KIF26B: variants seen among roughly 807,000 people sequenced by gnomAD.
KIF26B encodes the protein kinesin family member 26B, also known as kinesin-like protein KIF26B.
In KIF26B, 63 loss-of-function variants were observed where a neutral mutation model predicts 151.2. The ratio of observed to expected loss-of-function variants is 0.42; its 90% CI spans 0.34 to 0.51. KIF26B has a LOEUF of 0.51. Among genes scored for constraint, KIF26B ranks in the 20% least tolerant of loss-of-function variants. The pLI is 0.07. For missense variants in KIF26B, 2,813 were observed against 2,913.6 expected (o/e 0.97, Z 0.79); for synonymous variants, 1,357 against 1,262.1 (o/e 1.08, Z -1.59).
intron 5 of KIF26B, among the ~76,000 whole-genome samples, chr1:245,589,272 A>G (rs906313163): frequency 2.0e-5 from 3 of 152,116 alleles, no homozygotes; most frequent in Admixed American, 1.3e-4. Flanking sequence ...GCCCAGGGGT[A>G]TTTTAGAAAG....
At chr1:245,253,998 G>T (rs1347901074) in intron 2 of KIF26B, among the ~76,000 whole-genome samples, 2 of 151,712 alleles carry the variant, frequency 1.3e-5, no homozygotes, top group Non-Finnish European at 2.9e-5. Flanking sequence ...TTTTAGTAGA[G>T]ATGGGGTTTC....
chr1:245,424,947 G>A (rs1423271804), intron 4 of KIF26B, among the ~76,000 whole-genome samples: 2 of 151,566 alleles, frequency 1.3e-5, no homozygotes, highest in Non-Finnish European at 2.9e-5. Flanking sequence ...TTCGAGAAAA[G>A]ACACTGTTTC....
chr1:245,464,462 C>T (rs1183571150), intron 4 of KIF26B, among the ~76,000 whole-genome samples: 13 of 129,920 alleles, frequency 1.0e-4, no homozygotes, highest in African/African-American at 2.7e-4. Flanking sequence ...TGTATGTGTG[C>T]GTGCGCGTGT....
intron 2 of KIF26B, among the ~76,000 whole-genome samples, chr1:245,301,620 C>T (rs925161997): frequency 4.6e-5 from 7 of 152,228 alleles, no homozygotes; most frequent in Non-Finnish European, 8.8e-5. Context: ...CTTGTAGGCA[C>T]GTCTTCATCT....
chr1:245,268,460 C>A (rs1670787870), intron 2 of KIF26B, among the ~76,000 whole-genome samples: 1 of 143,832 alleles, frequency 7.0e-6, no homozygotes, highest in African/African-American at 2.6e-5. Flanking sequence ...TGGAGCGAGA[C>A]TCCATCTCCA....
At chr1:245,313,727 T>C (rs1194508914) in intron 2 of KIF26B, among the ~76,000 whole-genome samples, 1 of 152,224 alleles carries the variant, frequency 6.6e-6, no homozygotes, top group African/African-American at 2.4e-5. Flanking sequence ...TTCACAGATA[T>C]AAACTGTGCG....
intron 4 of KIF26B, among the ~76,000 whole-genome samples, chr1:245,448,313 T>G (rs1356607187): frequency 6.6e-6 from 1 of 152,196 alleles, no homozygotes; most frequent in African/African-American, 2.4e-5. Context: ...GTGCAAGCGA[T>G]TCTCCTGCCT....
Position 245,602,677 on chromosome 1 carries a change from A to ACGAT in KIF26B, c.1453_1456dup (p.Pro486ArgfsTer37). On this transcript the variant is annotated frameshift_variant, in exon 6 of 15. Coordinates refer to ENST00000407071, the MANE Select transcript of KIF26B (RefSeq NM_018012.4). LOFTEE classifies it high-confidence loss of function. This position sits in a 1 kb window ranked among gnomAD's most constrained non-coding sequence, Gnocchi z 4.5. ...CCACGGAAGAAGCAGATCACCTTGT[A>ACGAT]CGATCCCCTGACTTGTGGAGGTCAA... 1 of 1,614,042 alleles carries ACGAT rather than the reference A, an allele frequency of 6.2e-7. No individual in the cohort carries two copies. Among genetic ancestry groups the ACGAT allele is most frequent in the Non-Finnish European group, 8.5e-7 (1 of 1,179,876 alleles).
At chr1:245,281,932 T>G (rs1671063315) in intron 2 of KIF26B, among the ~76,000 whole-genome samples, 1 of 151,810 alleles carries the variant, frequency 6.6e-6, no homozygotes, top group Non-Finnish European at 1.5e-5. Flanking sequence ...CGGTGTTATT[T>G]CTGAGGGCTC....
intron 4 of KIF26B, among the ~76,000 whole-genome samples, chr1:245,490,400 C>T (rs1660382662): frequency 2.0e-5 from 3 of 151,270 alleles, no homozygotes; most frequent in African/African-American, 7.3e-5. Context: ...CAACCTCCGC[C>T]TCCCGGGTTC....
chr1:245,546,946 C>T (rs1661754696), intron 5 of KIF26B, among the ~76,000 whole-genome samples: 1 of 152,210 alleles, frequency 6.6e-6, no homozygotes, highest in East Asian at 1.9e-4. Context: ...TTCCTTCAAC[C>T]GATACCTCCA....
At chr1:245,379,667 A>G (rs1015301703) in intron 3 of KIF26B, among the ~76,000 whole-genome samples, 1 of 151,942 alleles carries the variant, frequency 6.6e-6, no homozygotes, top group African/African-American at 2.4e-5. Flanking sequence ...GTTTCGATAA[A>G]TTGGAAAATT....
chr1:245,576,618 T>G (rs2043121243), intron 5 of KIF26B, among the ~76,000 whole-genome samples: 1 of 152,176 alleles, frequency 6.6e-6, no homozygotes, highest in Admixed American at 6.5e-5. Flanking sequence ...TCCCTGGTGT[T>G]CCCCAGGCCT....
In KIF26B at chr1:245,367,397, A is replaced by G. The variant is rs776507476; in HGVS notation, c.999+30A>G. ...GTAGCCTGTGTGAGCCAGGAAGAGC[A>G]GGGCTGGCTGGAGTCAAAGCGGAGA... On this transcript the variant is annotated intron_variant, in intron 3 of 14. Coordinates refer to ENST00000407071, the MANE Select transcript of KIF26B (RefSeq NM_018012.4). The surrounding 1 kb of genome is among the most constrained non-coding windows in gnomAD (Gnocchi z 4.2). 16 of 1,548,360 alleles carry G rather than the reference A, an allele frequency of 1.0e-5. No homozygotes were observed. In the South Asian group the frequency reaches 1.9e-4, roughly 18 times the overall value.
chr1:245,465,524 T>C (rs1174237046), intron 4 of KIF26B, among the ~76,000 whole-genome samples: 1 of 152,156 alleles, frequency 6.6e-6, no homozygotes, highest in Admixed American at 6.5e-5. Flanking sequence ...ACGGAGAAAG[T>C]ATCTTTCCGG....
At chr1:245,548,759 T>TA (rs59371617) in intron 5 of KIF26B, among the ~76,000 whole-genome samples, 3 of 150,494 alleles carry the variant, frequency 2.0e-5, no homozygotes, top group Admixed American at 6.6e-5. Context: ...TTTTTTTTTT[T>TA]AAAAACAGGG....
intron 4 of KIF26B, among the ~76,000 whole-genome samples, chr1:245,517,482 A>G (rs1472558305): frequency 6.6e-6 from 1 of 152,226 alleles, no homozygotes; most frequent in Non-Finnish European, 1.5e-5. Flanking sequence ...AGTTTAGGAA[A>G]AATCCAGTCA....
At chr1:245,377,418 A>G (rs557409432) in intron 3 of KIF26B, among the ~76,000 whole-genome samples, 3 of 152,200 alleles carry the variant, frequency 2.0e-5, no homozygotes, top group South Asian at 4.1e-4. Flanking sequence ...CTTCTTTTCT[A>G]TAAGGACAAA....
At chr1:245,538,167 T>C (rs367752167) in intron 4 of KIF26B, among the ~76,000 whole-genome samples, 3 of 152,272 alleles carry the variant, frequency 2.0e-5, no homozygotes, top group East Asian at 3.9e-4. Flanking sequence ...ATGGTGGTCA[T>C]TGGGAACCCA....
Sources: gnomAD v4.1 joint callset for allele counts (sites outside exome capture counted in the v4.1 genomes callset) on GRCh38, gnomAD v4.1.1 for gene constraint, Gnocchi (gnomAD v3.1) non-coding constraint, MANE v1.5 for transcripts, NCBI Gene and HGNC (gene_info 2026-07-23, HGNC 2026-07-21) for gene names.